Variants in ZNF177 observed in about 807,000 individuals in gnomAD.
ZNF177 encodes the protein zinc finger protein 177.
ZNF177 carries 17 observed loss-of-function variants against 19.4 expected under a neutral mutation model. The ratio of observed to expected loss-of-function variants is 0.87; its 90% CI spans 0.60 to 1.31. ZNF177 has a LOEUF of 1.31. ZNF177 is among the 40% of genes most tolerant of loss of function. The pLI is 0.00. For synonymous variants in ZNF177, 220 were observed against 188.7 expected, an observed-to-expected ratio of 1.17 and a Z score of -1.36; for missense variants, 633 against 561.8, an observed-to-expected ratio of 1.13 and a Z score of -1.28.
intron 2 of ZNF177, among the ~76,000 whole-genome samples, chr19:9,366,558 T>G (rs2067982740): frequency 6.6e-6 from 1 of 152,322 alleles, no homozygotes; most frequent in African/African-American, 2.4e-5. Context: ...TGCCTGGCCT[T>G]CATTTTCTAT....
chr19:9,366,270 C>T (rs1021667878), intron 2 of ZNF177, among the ~76,000 whole-genome samples: 7 of 152,070 alleles, frequency 4.6e-5, no homozygotes, highest in South Asian at 2.1e-4. Context: ...CGTGAGCCAC[C>T]GTGCCTAGCC....
At chr19:9,377,573 T>C (rs1241855406) in intron 1 of ZNF177, among the ~76,000 whole-genome samples, 1 of 152,172 alleles carries the variant, frequency 6.6e-6, no homozygotes, top group Non-Finnish European at 1.5e-5. Context: ...GTATGTGTCT[T>C]CGTTTACAAC....
At chr19:9,365,339 A>G (rs1021750451) in intron 2 of ZNF177, among the ~76,000 whole-genome samples, 6 of 151,536 alleles carry the variant, frequency 4.0e-5, no homozygotes, top group African/African-American at 7.3e-5. Context: ...GAGTAGAGAC[A>G]TGGAGAGAAG....
At chr19:9,381,720 A>G in exon 6 of ZNF177, 1 of 1,613,998 alleles carries the variant, frequency 6.2e-7, no homozygotes, top group South Asian at 1.1e-5. Flanking sequence ...CCTTTAGCAC[A>G]AGCACTAACC....
intron 2 of ZNF177, among the ~76,000 whole-genome samples, chr19:9,365,485 C>T (rs542986012): frequency 1.3e-5 from 2 of 151,796 alleles, no homozygotes; most frequent in Admixed American, 1.3e-4. Context: ...GGTTCTTGAC[C>T]CCCAGAAAAG....
upstream of ZNF177, among the ~76,000 whole-genome samples, chr19:9,374,876 G>A (rs1352324741): frequency 1.3e-5 from 2 of 152,062 alleles, no homozygotes; most frequent in Admixed American, 6.6e-5. Flanking sequence ...AACTTCAGTT[G>A]TATGTTGAAT....
At chr19:9,366,033 A>G (rs1384883498) in intron 2 of ZNF177, among the ~76,000 whole-genome samples, 2 of 152,146 alleles carry the variant, frequency 1.3e-5, no homozygotes, top group African/African-American at 4.8e-5. Context: ...GCCAGGCTAG[A>G]GTGCAGTGGC....
intron 4 of ZNF177, 58 bp from the exon 7 acceptor site, chr19:9,379,999 T>C (rs994008379): frequency 6.3e-7 from 1 of 1,576,876 alleles, no homozygotes; most frequent in African/African-American, 1.4e-5. Context: ...CTCCCTCCCT[T>C]TTTCTTTGAT....
At chr19:9,365,135 G>T (rs1351896796) in intron 2 of ZNF177, among the ~76,000 whole-genome samples, 187 bp downstream of exon 2, 3 of 152,146 alleles carry the variant, frequency 2.0e-5, no homozygotes, top group African/African-American at 4.8e-5. Flanking sequence ...ATTCCAGTGG[G>T]TCTTTGCTGA....
chr19:9,378,024 T>C (rs2068136512), intron 1 of ZNF177, among the ~76,000 whole-genome samples: 1 of 152,190 alleles, frequency 6.6e-6, no homozygotes, highest in African/African-American at 2.4e-5. Context: ...CCTCCTGAGC[T>C]GTTAGCAGTC....
intron 5 of ZNF177, 134 bp downstream of exon 7, chr19:9,380,273 G>A: frequency 8.8e-7 from 1 of 1,140,132 alleles, no homozygotes; most frequent in Non-Finnish European, 1.2e-6. Flanking sequence ...TCTCGGGAGA[G>A]TTTGGAGTTT....
chr19:9,363,211 T>C (rs952889340), intron 1 of ZNF177, 127 bp downstream of exon 1: 4 of 152,398 alleles, frequency 2.6e-5, no homozygotes, highest in Non-Finnish European at 4.4e-5. Context: ...CGGCGTTTCT[T>C]CTCAGAGGCC....
chr19:9,371,120 G>A (rs1038740277), intron 2 of ZNF177, among the ~76,000 whole-genome samples: 1 of 152,120 alleles, frequency 6.6e-6, no homozygotes, highest in African/African-American at 2.4e-5. Context: ...CAGACATCCT[G>A]TCATTTCATC....
chr19:9,381,067 C>T, exon 6 of ZNF177: 7 of 1,608,724 alleles, frequency 4.4e-6, no homozygotes, highest in Non-Finnish European at 5.9e-6. Context: ...CCTTAGTGTC[C>T]ACACAAAAAC....
chr19:9,370,408 G>A (rs1253576035), intron 2 of ZNF177, among the ~76,000 whole-genome samples: 6 of 140,978 alleles, frequency 4.3e-5, no homozygotes, highest in African/African-American at 1.6e-4. Context: ...TGGTTGGTTT[G>A]TTTTTTTTTT....
chr19:9,381,947 CAGTG>C (rs1445403618), exon 6 of ZNF177: 7 of 1,011,546 alleles, frequency 6.9e-6, no homozygotes, highest in East Asian at 2.6e-5. Flanking sequence ...TTGTTTTTAT[CAGTG>C]AGTATTTCAT....
At chr19:9,373,679 C>T (rs1392920265), upstream of ZNF177, among the ~76,000 whole-genome samples, 2 of 152,094 alleles carry the variant, frequency 1.3e-5, no homozygotes, top group Non-Finnish European at 1.5e-5. Context: ...TTGATTGGTA[C>T]GTCCCTAATA....
intron 2 of ZNF177, among the ~76,000 whole-genome samples, chr19:9,367,173 A>C (rs1190297016): frequency 6.6e-6 from 1 of 152,076 alleles, no homozygotes; most frequent in Non-Finnish European, 1.5e-5. Flanking sequence ...ACAAAAACAT[A>C]GCTGGGTGTG....
intron 2 of ZNF177, 129 bp downstream of exon 2, chr19:9,365,077 A>T (rs1416840994): frequency 6.6e-6 from 1 of 152,170 alleles, no homozygotes; most frequent in African/African-American, 2.4e-5. Context: ...TGGGCTTTGG[A>T]GATGAAGAGT....
Sources: gnomAD v4.1 joint callset for allele counts (sites outside exome capture counted in the v4.1 genomes callset) on GRCh38, gnomAD v4.1.1 for gene constraint, MANE v1.5 for transcripts, NCBI Gene and HGNC (gene_info 2026-07-23, HGNC 2026-07-21) for gene names.